EEA1: variants seen among roughly 807,000 people sequenced by gnomAD.
The protein encoded by EEA1 is early endosome antigen 1.
A neutral mutation model predicts 209.2 loss-of-function variants in EEA1; 111 were observed. That is an observed-to-expected ratio of 0.53 (90% CI 0.45 to 0.62). The LOEUF (loss-of-function observed/expected upper bound fraction) is 0.62. Ranked by LOEUF, EEA1 falls within the 20% of genes least tolerant of loss-of-function variation. The pLI, the probability that EEA1 is intolerant of heterozygous loss-of-function variation, is 0.00. For missense variants in EEA1, 1,343 were observed against 1,530.8 expected (o/e 0.88, Z 2.05); for synonymous variants, 536 against 540.6 (o/e 0.99, Z 0.12).
In EEA1 at chr12:92,771,232, T is replaced by C. The variant is rs1354029805; in HGVS notation, c.*4779A>G. 2 of 152,062 alleles carry C rather than the reference T, an allele frequency of 1.3e-5. No homozygotes were observed. The highest frequency in any genetic ancestry group is 4.8e-5 in the African/African-American group (2 of 41,420). 9.4% of individuals were successfully genotyped at this position (152,062 alleles called of 1,614,324 possible). On this transcript the variant is annotated 3_prime_UTR_variant, in exon 29 of 29. Coordinates refer to ENST00000322349, the MANE Select transcript of EEA1 (RefSeq NM_003566.4). ...ATCGTACCTTTTGCAATTTGCAAAGTGAAAGTAGTAAATTTATCAAATTTG... is the reference window on the plus strand; with the variant it reads ...ATCGTACCTTTTGCAATTTGCAAAGCGAAAGTAGTAAATTTATCAAATTTG...
chr12:92,788,373 A>G (rs1269682898), intron 21 of EEA1, among the ~76,000 whole-genome samples: 2 of 152,096 alleles, frequency 1.3e-5, no homozygotes, highest in Admixed American at 1.3e-4. Flanking sequence ...TAGATGCCTC[A>G]GCTGACGTAA....
intron 16 of EEA1, 75 bp from the exon 17 acceptor site, chr12:92,811,509 T>C (rs1378906132): frequency 4.1e-6 from 4 of 987,202 alleles, no homozygotes; most frequent in African/African-American, 3.4e-5. Flanking sequence ...CAACGTAAAA[T>C]TGAAAACTCT....
At chr12:92,885,069 AAT>A (rs912314066) in intron 2 of EEA1, among the ~76,000 whole-genome samples, 1 of 151,514 alleles carries the variant, frequency 6.6e-6, no homozygotes, top group Non-Finnish European at 1.5e-5. Flanking sequence ...TACTGTATAT[AAT>A]ATATATATAA....
intron 11 of EEA1, among the ~76,000 whole-genome samples, chr12:92,829,778 T>TAAAAAAAAAAAAA (rs1270792347): frequency 2.8e-5 from 2 of 71,252 alleles, no homozygotes; most frequent in African/African-American, 5.6e-5. Flanking sequence ...AACTCTGTCT[T>TAAAAAAAAAAAAA]AAAAAAAAAA....
rs1054003972 is a variant in EEA1, at chr12:92,916,364, A to T, written c.24+12679T>A. ...AAATCATGGACTGTGAAACAAACTT[A>T]AAAATCTGGGCCGGGCGCGGTGGCT... On this transcript the variant is annotated intron_variant, in intron 1 of 28. Transcript: ENST00000322349. Among the ~76,000 whole-genome samples, 50 of 152,120 alleles carry T rather than the reference A, an allele frequency of 3.3e-4. 1 individual carries two copies. The highest frequency in any genetic ancestry group is 6.0e-4 in the Non-Finnish European group (41 of 68,000).
chr12:92,843,128 T>C (rs771044536), intron 9 of EEA1, among the ~76,000 whole-genome samples: 12 of 152,162 alleles, frequency 7.9e-5, no homozygotes, highest in African/African-American at 1.7e-4. Context: ...GGTATAACCG[T>C]CAGGCATGAA....
chr12:92,797,254 A>C (rs1446179364), intron 21 of EEA1, among the ~76,000 whole-genome samples: 1 of 152,000 alleles, frequency 6.6e-6, no homozygotes, highest in Admixed American at 6.6e-5. Flanking sequence ...TGCCCAGCTA[A>C]TTTTTGTATT....
rs753247227 is a variant in EEA1 at position 92,812,982 on chromosome 12, G to C, written c.2041C>G (p.Gln681Glu). ...TGAAATTGCATCTGTTTCCCTACCTGCTGTTTATCTTGTAATGCATTTTGA... is the reference window on the plus strand; with the variant it reads ...TGAAATTGCATCTGTTTCCCTACCTCCTGTTTATCTTGTAATGCATTTTGA... ...TAQNALQDKQ[Q>E]ELNKITTQLD... is the part of the protein sequence containing the mutation. Residue 681 changes from glutamine to glutamate, a missense_variant and splice_region_variant, in exon 16 of 29, where the codon CAG becomes GAG. Coordinates refer to ENST00000322349, the MANE Select transcript of EEA1 (RefSeq NM_003566.4). 2 of 1,566,212 alleles carry C rather than the reference G, an allele frequency of 1.3e-6. No individual in the cohort carries two copies. The highest frequency in any genetic ancestry group is 1.7e-5 in the Admixed American group (1 of 58,546).
In EEA1 at chr12:92,810,706, T is replaced by C. The variant is rs147302596; in HGVS notation, c.2199+573A>G. On this transcript the variant is annotated intron_variant, in intron 17 of 28. Coordinates refer to ENST00000322349, the MANE Select transcript of EEA1 (RefSeq NM_003566.4). ...AAGGCAGTTAAGCAGCAAGCGGTTC[T>C]AATTTGAAGGACACAAAAACTCAGG... Among the ~76,000 whole-genome samples the C allele has an allele frequency of 5.0e-3, 768 of 152,160 alleles. 2 individuals are homozygous for C. The highest frequency in any genetic ancestry group is 8.6e-3 in the Non-Finnish European group (587 of 67,940).
chr12:92,867,799 T>C (rs1289026960), intron 2 of EEA1, among the ~76,000 whole-genome samples: 1 of 152,138 alleles, frequency 6.6e-6, no homozygotes, highest in Non-Finnish European at 1.5e-5. Flanking sequence ...AAAATACATA[T>C]ACACATACAT....
At chr12:92,925,181 C>CA (rs796274410) in intron 1 of EEA1, among the ~76,000 whole-genome samples, 33,904 of 119,708 alleles carry the variant, frequency 0.28, 4,232 homozygotes, top group Middle Eastern at 0.35. Context: ...AAAGATGTCT[C>CA]AAAAAAAAAA....
rs187207703 is a variant in EEA1, at chr12:92,830,843, T to G, written c.1254+1669A>C. Among the ~76,000 whole-genome samples the G allele has an allele frequency of 1.8e-4, 27 of 152,296 alleles. No individual in the cohort carries two copies. In the East Asian group the frequency reaches 5.0e-3, roughly 28 times the overall value. ...AACATGGTAAGATTTGCCTTTAATATAGATTACTCTGATGCCTATATAAAG... is the reference window on the plus strand; with the variant it reads ...AACATGGTAAGATTTGCCTTTAATAGAGATTACTCTGATGCCTATATAAAG... On this transcript the variant is annotated intron_variant, in intron 11 of 28. Transcript: ENST00000322349.
At chr12:92,821,336 C>T (rs115047288) in intron 13 of EEA1, among the ~76,000 whole-genome samples, 46 of 152,174 alleles carry the variant, frequency 3.0e-4, no homozygotes, top group Middle Eastern at 3.4e-3. Context: ...ATGTCAGAGA[C>T]GTCAATTTCC....
At chr12:92,840,851 T>A (rs940098339) in intron 10 of EEA1, among the ~76,000 whole-genome samples, 1 of 152,198 alleles carries the variant, frequency 6.6e-6, no homozygotes, top group African/African-American at 2.4e-5. Context: ...AAAATTCATA[T>A]ACTGAAACTC....
chr12:92,882,663 C>T (rs560353902), intron 2 of EEA1, among the ~76,000 whole-genome samples: 1 of 152,236 alleles, frequency 6.6e-6, no homozygotes, highest in East Asian at 1.9e-4. Context: ...TAAGTGAGAA[C>T]AAGCAGTATC....
intron 15 of EEA1, among the ~76,000 whole-genome samples, chr12:92,814,982 T>G (rs749301849): frequency 1.3e-5 from 2 of 152,222 alleles, no homozygotes; most frequent in Non-Finnish European, 2.9e-5. Context: ...GTTGACATTC[T>G]TTTATTAATA....
chr12:92,776,200 T>C (rs1873651834), intron 28 of EEA1, 67 bp from the exon 29 acceptor site: 9 of 1,455,162 alleles, frequency 6.2e-6, no homozygotes, highest in African/African-American at 1.4e-5. Flanking sequence ...TGAAACTACA[T>C]GAATACCACC....
chr12:92,874,567 T>C (rs1878795493), intron 2 of EEA1, among the ~76,000 whole-genome samples: 1 of 152,086 alleles, frequency 6.6e-6, no homozygotes, highest in South Asian at 2.1e-4. Flanking sequence ...GGTTTCACCA[T>C]GTTGGCCAAG....
At chr12:92,780,157 A>T in intron 24 of EEA1, 123 bp downstream of exon 24, 1 of 1,035,034 alleles carries the variant, frequency 9.7e-7, no homozygotes, top group Non-Finnish European at 1.4e-6. Flanking sequence ...TGTCAGAAAC[A>T]ACAGAACAAT....
Sources: gnomAD v4.1 joint callset for allele counts (sites outside exome capture counted in the v4.1 genomes callset) on GRCh38, gnomAD v4.1.1 for gene constraint, MANE v1.5 for transcripts, NCBI Gene and HGNC (gene_info 2026-07-23, HGNC 2026-07-21) for gene names.